Variants in MYO15A observed in about 807,000 individuals in gnomAD.
The protein encoded by MYO15A is unconventional myosin-XV.
A neutral mutation model predicts 394.6 loss-of-function variants in MYO15A; 308 were observed. That is an observed-to-expected ratio of 0.78 (90% confidence interval 0.71 to 0.86). The LOEUF is 0.86. Among genes scored for constraint, MYO15A ranks in the 40% least tolerant of loss-of-function variants. MYO15A has a pLI of 0.00. For missense variants in MYO15A, 4,606 were observed against 4,799.1 expected (o/e 0.96, Z 1.19); for synonymous variants, 1,957 against 2,003.8 (o/e 0.98, Z 0.62).
At chr17:18,157,104 G>A in intron 49 of MYO15A, 39 bp downstream of exon 49, 1 of 1,612,296 alleles carries the variant, frequency 6.2e-7, no homozygotes, top group Non-Finnish European at 8.5e-7. Context: ...AGGAGGGGGA[G>A]GCTGGCCAAG....
At chr17:18,127,028 A>G (rs756704511) in intron 6 of MYO15A, 47 bp from the exon 7 acceptor site, 1 of 1,608,144 alleles carries the variant, frequency 6.2e-7, no homozygotes, top group South Asian at 1.1e-5. Flanking sequence ...GTGCCCCAGA[A>G]GAGGCAGCGA....
chr17:18,156,148 A>C, intron 47 of MYO15A, 47 bp from the exon 48 acceptor site: 1 of 1,613,280 alleles, frequency 6.2e-7, no homozygotes, highest in Non-Finnish European at 8.5e-7. Context: ...AGGTGGAAGG[A>C]GGGCATCCCT....
chr17:18,130,721 T>C, intron 7 of MYO15A, 84 bp from the exon 8 acceptor site: 1 of 1,608,846 alleles, frequency 6.2e-7, no homozygotes, highest in Non-Finnish European at 8.5e-7. Context: ...CCTAGTCTCC[T>C]GGAGAGAGTG....
intron 25 of MYO15A, 135 bp downstream of exon 25, chr17:18,142,975 C>T (rs1293738724): frequency 2.5e-6 from 2 of 794,584 alleles, no homozygotes; most frequent in African/African-American, 3.4e-5. Context: ...AGCTCTTTAA[C>T]TTTGGCCATT....
rs1427518400 is a variant in MYO15A at position 18,119,293 on chromosome 17, T to TC, written c.496dup (p.Arg166ProfsTer62). The TC allele has an allele frequency of 6.2e-7, 1 of 1,611,510 alleles. No individual in the cohort carries two copies. The highest frequency in any genetic ancestry group is 1.3e-5 in the African/African-American group (1 of 74,972). On this transcript the variant is annotated frameshift_variant, in exon 2 of 66. Coordinates refer to ENST00000647165, the MANE Select transcript of MYO15A (RefSeq NM_016239.4). LOFTEE classifies it high-confidence loss of function. ...GGACGCCTGGCTGCAGCGCTCGAGC[T>TC]CCCGCATGGGCTCCCGCAAACTCCC...
intron 23 of MYO15A, 135 bp from the exon 24 acceptor site, chr17:18,141,944 G>C: frequency 7.9e-7 from 1 of 1,262,372 alleles, no homozygotes. Context: ...ACCTCTCCAA[G>C]TCCACCCCAT....
At chr17:18,142,403 G>C in intron 24 of MYO15A, 149 bp downstream of exon 24, 1 of 1,050,720 alleles carries the variant, frequency 9.5e-7, no homozygotes, top group Non-Finnish European at 1.4e-6. Flanking sequence ...GATTCTCTGT[G>C]TCTCTGCTTT....
chr17:18,148,086 G>T lies in MYO15A; in HGVS notation c.6567G>T (p.Met2189Ile), dbSNP rs2046510936. Residue 2189 changes from methionine (M) to isoleucine (I), a missense_variant, in exon 31 of 66, where the codon ATG becomes ATT. By Grantham distance (10) the Met-to-Ile change is conservative. Around this residue, in one of 2 missense-constraint regions of MYO15A, gnomAD observed 2,776 missense variants for 3,109.3 expected, o/e 0.89. Coordinates refer to ENST00000647165, the MANE Select transcript of MYO15A (RefSeq NM_016239.4). The surrounding 1 kb of genome is among the most constrained non-coding windows in gnomAD (Gnocchi z 4.8). ...GFQAVCQHRL[M>I]QAMGRAQQQG... is the part of the protein sequence containing the mutation. ...AGGCTGTGTGTCAGCACCGCCTCATGCAGGCCATGGGCCGGGCCCAACAGC... is the reference window on the plus strand; with the variant it reads ...AGGCTGTGTGTCAGCACCGCCTCATTCAGGCCATGGGCCGGGCCCAACAGC... 2.5e-6 allele frequency: 4 copies of T among 1,613,838 alleles called. No individual in the cohort carries two copies. Among genetic ancestry groups the T allele is most frequent in the Admixed American group, 1.7e-5 (1 of 60,014 alleles).
chr17:18,150,295 G>T lies in MYO15A; in HGVS notation c.7213-134G>T. ...CATAGGGGTAAAGGCTGAGCATACA[G>T]CAGACACTGAGCCAGTGGGAGGCTG... On this transcript the variant is annotated intron_variant, in intron 35 of 65. Transcript: ENST00000647165. This position sits in a 1 kb window ranked among gnomAD's most constrained non-coding sequence, Gnocchi z 4.4. 1 of 775,262 alleles carries T rather than the reference G, an allele frequency of 1.3e-6. No individual in the cohort carries two copies. Among genetic ancestry groups the T allele is most frequent in the Admixed American group, 2.0e-5 (1 of 50,616 alleles). The allele number at this position is 775,262 out of a possible 1,614,324, so 48.0% of individuals were successfully genotyped here. A position where few individuals can be genotyped will look rare whatever the true frequency, so the allele number is the denominator to read the frequency against.
Position 18,159,642 on chromosome 17 carries a change from G to A in MYO15A, c.9266G>A (p.Gly3089Asp). ...TTCATGGGGGATGCCCCACTGAAGGGCCAGAGTGACCTGGACGTGCTTTGT... is the reference window on the plus strand; with the variant it reads ...TTCATGGGGGATGCCCCACTGAAGGACCAGAGTGACCTGGACGTGCTTTGT... ...MRFMGDAPLK[G>D]QSDLDVLCNL... is the part of the protein sequence containing the mutation. The change falls in exon 55 of 66, where the codon GGC becomes GAC. Residue 3089 changes from glycine to aspartate, a missense_variant. Transcript: ENST00000647165. 2.5e-6 allele frequency: 4 copies of A among 1,614,140 alleles called. No individual in the cohort carries two copies. Among genetic ancestry groups the A allele is most frequent in the South Asian group, 2.2e-5 (2 of 91,082 alleles).
intron 7 of MYO15A, among the ~76,000 whole-genome samples, chr17:18,128,845 G>A (rs1471222248): frequency 6.6e-6 from 1 of 152,066 alleles, no homozygotes; most frequent in Non-Finnish European, 1.5e-5. Context: ...TGTCAGGGAG[G>A]ACGGATGGAG....
chr17:18,111,455 T>G (rs1217985550), intron 1 of MYO15A, among the ~76,000 whole-genome samples: 1 of 152,000 alleles, frequency 6.6e-6, no homozygotes, highest in Non-Finnish European at 1.5e-5. Context: ...CCAAGTGCCC[T>G]GCACAGTGCT....
Position 18,122,285 on chromosome 17 carries a change from AT to A in MYO15A, c.3486del (p.Asp1162GlufsTer66). 1.2e-6 allele frequency: 2 copies of A among 1,613,060 alleles called. No individual in the cohort carries two copies. The highest frequency in any genetic ancestry group is 1.7e-6 in the Non-Finnish European group (2 of 1,179,998). Reference protein sequence around the residue: ...LRWSCLWLRADAYGPWPRVHT... With the variant: ...LRWSCLWLRAXAYGPWPRVHT... ...TGGTCCTGCCTCTGGCTTCGGGCAG[AT>A]GCCTATGGACCCTGGCCACGAGTAC... On this transcript the variant is annotated frameshift_variant, in exon 2 of 66. Transcript: ENST00000647165. LOFTEE classifies it high-confidence loss of function.
At chr17:18,144,954 G>A (rs2046450846) in intron 29 of MYO15A, among the ~76,000 whole-genome samples, 1 of 152,204 alleles carries the variant, frequency 6.6e-6, no homozygotes, top group South Asian at 2.1e-4. Context: ...CAAGTCTGGG[G>A]AGTCTGATGG....
At chr17:18,149,950 C>CAAAAAAA (rs369728454) in intron 35 of MYO15A, 40 of 125,060 alleles carry the variant, frequency 3.2e-4, no homozygotes, top group South Asian at 8.6e-4. Context: ...GACCCTGTCT[C>CAAAAAAA]AAAAAAAAAA....
rs2045844885 is a variant in MYO15A, at chr17:18,119,124, G to C, written c.324G>C (p.Val108=). ...AMKGKKPSFM[V]IRFPGRRGYG... ...AGGGCAAGAAGCCGTCCTTCATGGT[G>C]ATCCGCTTCCCAGGCCGCCGTGGCT... Residue 108 remains valine, a synonymous_variant, in exon 2 of 66, where the codon GTG becomes GTC. Transcript: ENST00000647165. 1.2e-6 allele frequency: 2 copies of C among 1,612,032 alleles called. No individual in the cohort carries two copies. The highest frequency in any genetic ancestry group is 4.5e-5 in the East Asian group (2 of 44,852).
rs192012072 is a variant in MYO15A, at chr17:18,142,302, C to T, written c.5825+48C>T. 4.5e-4 allele frequency: 713 copies of T among 1,586,536 alleles called. 11 individuals are homozygous for T. The East Asian group carries it at 0.012, about 28-fold the overall frequency. On this transcript the variant is annotated intron_variant, in intron 24 of 65. Coordinates refer to ENST00000647165, the MANE Select transcript of MYO15A (RefSeq NM_016239.4). The stretch of plus-strand genomic sequence containing the variant: ...TTCCTAGGAGACCTATGGTCAGGCT[C>T]GGGAGAGGTCACGCCTGAACTTAGG...
Position 18,136,567 on chromosome 17 carries a change from G to A in MYO15A, c.4660G>A (p.Ala1554Thr), listed in dbSNP as rs373444641. The A allele has an allele frequency of 1.2e-4, 194 of 1,613,830 alleles. No individual in the cohort carries two copies. The highest frequency in any genetic ancestry group is 1.7e-4 in the Admixed American group (10 of 60,000). The change falls in exon 15 of 66, where the codon GCC (alanine) becomes ACC (threonine). Residue 1554 changes from alanine (A) to threonine (T), a missense_variant. This residue lies in a region of MYO15A where 2,776 missense variants were observed against 3,109.3 expected (regional missense o/e 0.89). Coordinates refer to ENST00000647165, the MANE Select transcript of MYO15A (RefSeq NM_016239.4). ...CCAGCACCACCTCTGCTCCAGGGAC[G>A]CCATCGCCAAGGTCTTGTATGCACT... ...TVESAVDARDAIAKVLYALLF... is the reference protein window; with the variant it reads ...TVESAVDARDTIAKVLYALLF...
At chr17:18,112,182 G>T (rs1290518879) in intron 1 of MYO15A, among the ~76,000 whole-genome samples, 1 of 151,830 alleles carries the variant, frequency 6.6e-6, no homozygotes, top group East Asian at 1.9e-4. Context: ...TCTTGGGCCT[G>T]AAGGGCCAGC....
Sources: gnomAD v4.1 joint callset for allele counts (sites outside exome capture counted in the v4.1 genomes callset) on GRCh38, gnomAD v4.1.1 for gene constraint, gnomAD v4.1.1 regional missense constraint, Gnocchi (gnomAD v3.1) non-coding constraint, MANE v1.5 for transcripts, NCBI Gene and HGNC (gene_info 2026-07-23, HGNC 2026-07-21) for gene names.